Variants in RSRC1 observed in about 807,000 individuals in gnomAD.
RSRC1 encodes serine/Arginine-related protein 53.
Under a neutral mutation model 49.1 loss-of-function variants are expected in RSRC1, and 39 were observed. The observed-to-expected ratio is 0.79, with a 90% CI of 0.61 to 1.04. The LOEUF is 1.04. RSRC1 is among the 50% of genes least tolerant of loss of function. RSRC1 has a pLI of 0.00. For synonymous variants in RSRC1, 143 were observed against 130.8 expected (o/e 1.09, Z -0.63); for missense variants, 388 against 402.4 (o/e 0.96, Z 0.31).
At chr3:158,232,953 C>T (rs1291228137) in intron 4 of RSRC1, among the ~76,000 whole-genome samples, 1 of 152,042 alleles carries the variant, frequency 6.6e-6, no homozygotes, top group African/African-American at 2.4e-5. Context: ...GAGCTTCGTC[C>T]TCAGTGTTAG....
chr3:158,214,061 G>A (rs699928), intron 4 of RSRC1, among the ~76,000 whole-genome samples: 97,632 of 150,884 alleles, frequency 0.65, 31,828 homozygotes, highest in East Asian at 0.84. Context: ...TATACAAAAA[G>A]TACAGTATAA....
chr3:158,344,430 C>T (rs936228341), intron 5 of RSRC1, among the ~76,000 whole-genome samples: 8 of 152,106 alleles, frequency 5.3e-5, no homozygotes, highest in African/African-American at 1.9e-4. Flanking sequence ...TCATTGGAAA[C>T]AATGCAAACC....
chr3:158,286,351 C>G (rs1481443425), intron 4 of RSRC1, among the ~76,000 whole-genome samples: 1 of 152,110 alleles, frequency 6.6e-6, no homozygotes, highest in Non-Finnish European at 1.5e-5. Context: ...CCTCATTTAT[C>G]TCATCTATAA....
At chr3:158,497,231 G>A (rs1421286118) in intron 7 of RSRC1, among the ~76,000 whole-genome samples, 1 of 78,868 alleles carries the variant, frequency 1.3e-5, no homozygotes, top group Non-Finnish European at 2.4e-5. Flanking sequence ...CTAGCCCCTG[G>A]CAACCACCAT....
intron 3 of RSRC1, among the ~76,000 whole-genome samples, chr3:158,161,863 G>C (rs1718243160): frequency 6.6e-6 from 1 of 152,138 alleles, no homozygotes; most frequent in African/African-American, 2.4e-5. Flanking sequence ...TCAATTAAAA[G>C]GCAAGGGGGG....
chr3:158,220,114 A>G (rs1722150273), intron 4 of RSRC1, among the ~76,000 whole-genome samples: 1 of 151,628 alleles, frequency 6.6e-6, no homozygotes, highest in South Asian at 2.1e-4. Context: ...GATAAACATT[A>G]CTACTTCATA....
chr3:158,435,340 T>C lies in RSRC1; in HGVS notation c.584-25595T>C, dbSNP rs1030498373. Among the ~76,000 whole-genome samples, 12 of 151,788 alleles carry C rather than the reference T, an allele frequency of 7.9e-5. No individual in the cohort carries two copies. The East Asian group carries it at 1.7e-3, about 22-fold the overall frequency. On this transcript the variant is annotated intron_variant, in intron 6 of 9. Transcript: ENST00000611884. ...CTGACACAAGATAAAATAATACTAT[T>C]GTCAGTGTCATTGTTTTATGTTGAT... is the stretch of plus-strand genomic sequence containing the variant.
chr3:158,451,652 G>A (rs1014737002), intron 6 of RSRC1, among the ~76,000 whole-genome samples: 19 of 151,928 alleles, frequency 1.3e-4, no homozygotes, highest in African/African-American at 4.3e-4. Context: ...AAAACACATA[G>A]CATACAAACT....
intron 4 of RSRC1, among the ~76,000 whole-genome samples, chr3:158,274,339 A>T (rs1445405318): frequency 6.6e-6 from 1 of 151,570 alleles, no homozygotes; most frequent in Non-Finnish European, 1.5e-5. Context: ...AGTGTACTGG[A>T]ATGTTTCTTT....
intron 6 of RSRC1, among the ~76,000 whole-genome samples, chr3:158,452,118 T>G (rs1737075475): frequency 6.6e-6 from 1 of 152,126 alleles, no homozygotes; most frequent in South Asian, 2.1e-4. Context: ...TTATTTTGAT[T>G]ACTGTTTGCT....
chr3:158,441,361 TACAA>T (rs1304378204), intron 6 of RSRC1, among the ~76,000 whole-genome samples: 5 of 152,018 alleles, frequency 3.3e-5, no homozygotes, highest in South Asian at 2.1e-4. Flanking sequence ...CTTGGCAAAA[TACAA>T]ACAAAGACTT....
rs749015939 is a variant in RSRC1, at chr3:158,122,198, A to G, written c.94A>G (p.Ser32Gly). The G allele has an allele frequency of 1.9e-6, 3 of 1,608,712 alleles. No homozygotes were observed. The highest frequency in any genetic ancestry group is 3.3e-4 in the Middle Eastern group (2 of 6,042). Residue 32 changes from serine to glycine, a missense_variant, in exon 2 of 10, where the codon AGT (serine) becomes GGT (glycine). Coordinates refer to ENST00000611884, the MANE Select transcript of RSRC1 (RefSeq NM_001271838.2). Reference protein sequence around the residue: ...RRSSSSSSSDSRTYSRKKGGR... With the variant: ...RRSSSSSSSDGRTYSRKKGGR... ...GTCCTCCTCGAGCAGTTCTTCAGAT[A>G]GTAGAACATACAGCCGAAAGAAAGG... is the stretch of plus-strand genomic sequence containing the variant.
At chr3:158,428,658 A>G (rs554736684) in intron 6 of RSRC1, among the ~76,000 whole-genome samples, 12 of 152,050 alleles carry the variant, frequency 7.9e-5, no homozygotes, top group Middle Eastern at 3.4e-3. Context: ...GAATTGGCAC[A>G]TAACGTGTAT....
intron 5 of RSRC1, among the ~76,000 whole-genome samples, chr3:158,319,077 C>A (rs1728618024): frequency 6.6e-6 from 1 of 152,138 alleles, no homozygotes; most frequent in Non-Finnish European, 1.5e-5. Context: ...AGAATGACTT[C>A]TCTTCCAGGA....
intron 3 of RSRC1, among the ~76,000 whole-genome samples, chr3:158,199,088 C>G (rs1177960759): frequency 3.3e-5 from 5 of 152,152 alleles, no homozygotes; most frequent in Admixed American, 3.3e-4. Context: ...TCACGCTATT[C>G]TCATGATAGT....
chr3:158,344,534 G>A (rs1363800117), intron 5 of RSRC1, among the ~76,000 whole-genome samples: 2 of 152,030 alleles, frequency 1.3e-5, no homozygotes, highest in Admixed American at 1.3e-4. Context: ...AAAAATGTAG[G>A]CCAAATGAAT....
At position 158,360,572 on chromosome 3, in the gene RSRC1, G is replaced by A. The variant is rs561347082; in HGVS notation, c.583+5664G>A. Among the ~76,000 whole-genome samples, 33 of 152,328 alleles carry A rather than the reference G, an allele frequency of 2.2e-4. No homozygotes were observed. In the East Asian group the frequency reaches 4.8e-3, roughly 22 times the overall value. ...CAACCCTCCACCTTCAGCTTCAGCC[G>A]TAACTTGTGTTTGTTAGTGCCCAAA... On this transcript the variant is annotated intron_variant, in intron 6 of 9. Transcript: ENST00000611884.
chr3:158,447,580 C>T (rs896939083), intron 6 of RSRC1, among the ~76,000 whole-genome samples: 1 of 151,922 alleles, frequency 6.6e-6, no homozygotes, highest in Non-Finnish European at 1.5e-5. Context: ...GACTCACTCA[C>T]TTCTTTGGTA....
At chr3:158,288,530 G>T (rs575440120) in intron 4 of RSRC1, among the ~76,000 whole-genome samples, 1 of 152,248 alleles carries the variant, frequency 6.6e-6, no homozygotes, top group African/African-American at 2.4e-5. Context: ...GTACCAGATA[G>T]GTAGCATGTA....
Sources: gnomAD v4.1 joint callset for allele counts (sites outside exome capture counted in the v4.1 genomes callset) on GRCh38, gnomAD v4.1.1 for gene constraint, MANE v1.5 for transcripts, NCBI Gene and HGNC (gene_info 2026-07-23, HGNC 2026-07-21) for gene names.